Variants in CTNNA3 observed in about 807,000 individuals in gnomAD.
CTNNA3 encodes catenin alpha-3.
Under a neutral mutation model 95.7 loss-of-function variants are expected in CTNNA3, and 76 were observed. That is an observed-to-expected ratio of 0.79 (90% CI 0.66 to 0.96). CTNNA3 has a LOEUF of 0.96. CTNNA3 is among the 40% of genes least tolerant of loss of function. The probability of loss-of-function intolerance (pLI) is 0.00; values close to 1 mark genes in which losing one functional copy is unlikely to be tolerated. For missense variants in CTNNA3, 1,191 were observed against 1,089.8 expected, an observed-to-expected ratio of 1.09 and a Z score of -1.31; for synonymous variants, 431 against 374.4, an observed-to-expected ratio of 1.15 and a Z score of -1.74.
chr10:67,749,489 G>C (rs973748533), intron 1 of CTNNA3, among the ~76,000 whole-genome samples: 1 of 152,152 alleles, frequency 6.6e-6, no homozygotes, highest in African/African-American at 2.4e-5. Context: ...AATCAAATTA[G>C]AACCCAAGAT....
At chr10:66,251,665 G>GT (rs1423780312) in intron 13 of CTNNA3, among the ~76,000 whole-genome samples, 1 of 152,008 alleles carries the variant, frequency 6.6e-6, no homozygotes, top group Non-Finnish European at 1.5e-5. Flanking sequence ...TATAATAAAT[G>GT]TTTCATGGTA....
intron 16 of CTNNA3, among the ~76,000 whole-genome samples, chr10:65,976,507 C>A (rs940458892): frequency 1.3e-5 from 2 of 152,128 alleles, no homozygotes; most frequent in African/African-American, 4.8e-5. Flanking sequence ...TTTTGAAATT[C>A]AAAGTTGCTT....
At chr10:67,454,031 A>G (rs930200729) in intron 5 of CTNNA3, among the ~76,000 whole-genome samples, 1 of 152,296 alleles carries the variant, frequency 6.6e-6, no homozygotes, top group Middle Eastern at 3.4e-3. Context: ...TATGTAAACA[A>G]TATAAATAAA....
intron 9 of CTNNA3, among the ~76,000 whole-genome samples, chr10:66,679,695 A>C (rs555492319): frequency 6.6e-6 from 1 of 152,298 alleles, no homozygotes; most frequent in South Asian, 2.1e-4. Flanking sequence ...TTACTAAATA[A>C]AAACATAAGT....
rs553962483 is a variant in CTNNA3, at chr10:66,475,255, C to T, written c.1531+45362G>A. The stretch of plus-strand genomic sequence containing the variant: ...CTAAGCTCTTATCTTTTACCATATA[C>T]AAAATCAGCTCAAAATGGATTAAAG... On this transcript the variant is annotated intron_variant, in intron 11 of 17. Coordinates refer to ENST00000433211, the MANE Select transcript of CTNNA3 (RefSeq NM_013266.4). Among the ~76,000 whole-genome samples the T allele has an allele frequency of 2.0e-5, 3 of 152,092 alleles. No individual in the cohort carries two copies. The East Asian group carries it at 5.8e-4, about 29-fold the overall frequency.
At chr10:66,686,458 GTC>G (rs764181406) in intron 9 of CTNNA3, among the ~76,000 whole-genome samples, 20 of 152,146 alleles carry the variant, frequency 1.3e-4, no homozygotes, top group Non-Finnish European at 2.5e-4. Flanking sequence ...GTGAGACCCT[GTC>G]TCAAAAAATA....
chr10:66,928,212 C>G (rs146897378), intron 7 of CTNNA3: 2 of 1,614,010 alleles, frequency 1.2e-6, no homozygotes, highest in African/African-American at 1.3e-5. Context: ...TGTCCGTGCT[C>G]GTCATCCTGC....
intron 1 of CTNNA3, among the ~76,000 whole-genome samples, chr10:67,728,560 G>C (rs1841257652): frequency 6.7e-6 from 1 of 149,284 alleles, no homozygotes; most frequent in Non-Finnish European, 1.5e-5. Context: ...CCAGGTTCAA[G>C]CGATTCCAGG....
At chr10:65,980,946 C>T (rs796893179) in intron 16 of CTNNA3, among the ~76,000 whole-genome samples, 6 of 152,032 alleles carry the variant, frequency 3.9e-5, no homozygotes, top group Admixed American at 3.3e-4. Flanking sequence ...ACAAGGATGA[C>T]CACTTTCACC....
At chr10:67,005,913 T>C (rs370978908) in intron 7 of CTNNA3, among the ~76,000 whole-genome samples, 20 of 152,030 alleles carry the variant, frequency 1.3e-4, no homozygotes, top group South Asian at 1.0e-3. Flanking sequence ...CTCAAACTCC[T>C]GTTCTCAGGT....
At chr10:67,645,903 T>C (rs1377508266) in intron 2 of CTNNA3, among the ~76,000 whole-genome samples, 1 of 149,034 alleles carries the variant, frequency 6.7e-6, no homozygotes, top group Non-Finnish European at 1.5e-5. Flanking sequence ...CCTGCATATA[T>C]AGTACTAGCT....
chr10:66,981,342 C>A (rs866257231), intron 7 of CTNNA3, among the ~76,000 whole-genome samples: 1 of 152,200 alleles, frequency 6.6e-6, no homozygotes, highest in Admixed American at 6.5e-5. Flanking sequence ...GATTAGACCT[C>A]CTGCTTTAAA....
At chr10:67,492,272 G>A (rs1285383126) in intron 5 of CTNNA3, among the ~76,000 whole-genome samples, 1 of 152,004 alleles carries the variant, frequency 6.6e-6, no homozygotes, top group East Asian at 1.9e-4. Context: ...AAGATTTACA[G>A]GAAAAAAGAA....
At chr10:66,900,424 A>G (rs929640652) in intron 7 of CTNNA3, among the ~76,000 whole-genome samples, 19 of 152,204 alleles carry the variant, frequency 1.2e-4, no homozygotes, top group Non-Finnish European at 1.9e-4. Context: ...AGAAACCAGA[A>G]CAGAAAAGCA....
intron 7 of CTNNA3, among the ~76,000 whole-genome samples, chr10:66,894,339 G>A (rs896169830): frequency 1.3e-5 from 2 of 151,888 alleles, no homozygotes; most frequent in Non-Finnish European, 2.9e-5. Context: ...AGTCTATCCA[G>A]AACCCTGATT....
intron 1 of CTNNA3, among the ~76,000 whole-genome samples, chr10:67,665,821 A>G (rs1840319257): frequency 6.6e-6 from 1 of 152,196 alleles, no homozygotes; most frequent in African/African-American, 2.4e-5. Context: ...TCAGATTTAC[A>G]ATGAAATAAT....
At position 66,193,846 on chromosome 10, in the gene CTNNA3, T is replaced by C. The variant is rs150517495; in HGVS notation, c.1884+86624A>G. On this transcript the variant is annotated intron_variant, in intron 13 of 17. Coordinates refer to ENST00000433211, the MANE Select transcript of CTNNA3 (RefSeq NM_013266.4). ...AGCTCTTGTGAGTGCATAATACTCA[T>C]TGAAATCAATAAGAATTACGGGCAC... is the stretch of plus-strand genomic sequence containing the variant. Among the ~76,000 whole-genome samples, 4 of 152,242 alleles carry C rather than the reference T, an allele frequency of 2.6e-5. No homozygotes were observed. In the East Asian group the frequency reaches 5.8e-4, roughly 22 times the overall value.
intron 5 of CTNNA3, among the ~76,000 whole-genome samples, chr10:67,347,677 T>G (rs1245206711): frequency 1.3e-5 from 2 of 152,098 alleles, no homozygotes; most frequent in Non-Finnish European, 2.9e-5. Context: ...TCTTATCAAT[T>G]TTTTAGTAAA....
At chr10:67,620,686 T>C (rs749619161) in intron 2 of CTNNA3, among the ~76,000 whole-genome samples, 1 of 152,098 alleles carries the variant, frequency 6.6e-6, no homozygotes, top group African/African-American at 2.4e-5. Context: ...CATTATACGA[T>C]GCATCCTAAT....
Sources: gnomAD v4.1 joint callset for allele counts (sites outside exome capture counted in the v4.1 genomes callset) on GRCh38, gnomAD v4.1.1 for gene constraint, MANE v1.5 for transcripts, NCBI Gene and HGNC (gene_info 2026-07-23, HGNC 2026-07-21) for gene names.